ITGA2: variants seen among roughly 807,000 people sequenced by gnomAD.
ITGA2 encodes integrin subunit alpha 2.
ITGA2 carries 101 observed loss-of-function variants against 146.3 expected under a neutral mutation model. The ratio of observed to expected loss-of-function variants is 0.69; its 90% confidence interval spans 0.59 to 0.81. The LOEUF is 0.81. ITGA2 is among the 40% of genes least tolerant of loss of function. The pLI, the probability that ITGA2 is intolerant of heterozygous loss-of-function variation, is 0.00. For synonymous variants in ITGA2, 477 were observed against 487.1 expected (o/e 0.98, Z 0.27); for missense variants, 1,281 against 1,402.7 (o/e 0.91, Z 1.39).
chr5:53,066,966 G>C (rs918555647), intron 15 of ITGA2, 152 bp from the exon 16 acceptor site: 1 of 719,858 alleles, frequency 1.4e-6, no homozygotes, highest in Non-Finnish European at 2.3e-6. Flanking sequence ...TGCCATCTTA[G>C]AGCTTTCAAA....
chr5:53,003,804 G>GTTTTAT (rs1554052349), intron 1 of ITGA2, among the ~76,000 whole-genome samples: 76 of 152,148 alleles, frequency 5.0e-4, no homozygotes, highest in African/African-American at 1.6e-3. Context: ...ACCATTCATT[G>GTTTTAT]TTTTCTTTTT....
intron 1 of ITGA2, among the ~76,000 whole-genome samples, chr5:53,002,572 C>T (rs1741635867): frequency 2.0e-5 from 3 of 152,094 alleles, no homozygotes; most frequent in Admixed American, 2.0e-4. Flanking sequence ...TGCATCCTGC[C>T]ATGCCATGGT....
chr5:53,020,792 C>G (rs1475897468), intron 1 of ITGA2, among the ~76,000 whole-genome samples: 1 of 151,618 alleles, frequency 6.6e-6, no homozygotes, highest in South Asian at 2.1e-4. Flanking sequence ...AGTGATTAAC[C>G]TGCCTCAGCC....
At chr5:53,020,172 A>T (rs867288761) in intron 1 of ITGA2, among the ~76,000 whole-genome samples, 1 of 152,212 alleles carries the variant, frequency 6.6e-6, no homozygotes, top group African/African-American at 2.4e-5. Flanking sequence ...AACAAAAAAT[A>T]AATAGGAAAA....
At position 53,077,872 on chromosome 5, in the gene ITGA2, A is replaced by C. The variant is rs75220195; in HGVS notation, c.2826-900A>C. Among the ~76,000 whole-genome samples the C allele has an allele frequency of 1.5e-3, 225 of 152,198 alleles. 1 individual carries two copies. In the South Asian group the frequency reaches 0.027, roughly 18 times the overall value. ...TTTTAAGAAATAGAATCAACATTCT[A>C]TAATTAACGTAAATTGTCCAGTGGG... On this transcript the variant is annotated intron_variant, in intron 23 of 29. Transcript: ENST00000296585.
intron 7 of ITGA2, among the ~76,000 whole-genome samples, chr5:53,052,723 A>C (rs1408664548): frequency 1.3e-5 from 2 of 151,992 alleles, no homozygotes; most frequent in Non-Finnish European, 2.9e-5. Context: ...ATTCCTAACC[A>C]AGTTGCCATG....
intron 2 of ITGA2, among the ~76,000 whole-genome samples, chr5:53,029,308 T>G (rs1404746484): frequency 6.6e-6 from 1 of 152,090 alleles, no homozygotes; most frequent in African/African-American, 2.4e-5. Flanking sequence ...TTCCCTAGAT[T>G]AAAATTCCTT....
chr5:53,086,462 AGAAG>A (rs2112040245), intron 27 of ITGA2, among the ~76,000 whole-genome samples: 2 of 152,338 alleles, frequency 1.3e-5, no homozygotes, highest in South Asian at 4.1e-4. Context: ...ACATGTACCC[AGAAG>A]GAAAGTTCTC....
intron 18 of ITGA2, 34 bp downstream of exon 18, chr5:53,072,082 G>A: frequency 2.1e-6 from 3 of 1,429,630 alleles, no homozygotes; most frequent in Non-Finnish European, 2.0e-6. Context: ...GATTTAGACT[G>A]GCAAATAAAG....
chr5:52,995,459 A>G (rs1188739610), intron 1 of ITGA2, among the ~76,000 whole-genome samples: 1 of 152,074 alleles, frequency 6.6e-6, no homozygotes, highest in Non-Finnish European at 1.5e-5. Flanking sequence ...GCATTAAAGA[A>G]GAAGAGTGAA....
intron 1 of ITGA2, among the ~76,000 whole-genome samples, chr5:53,016,875 G>C (rs531210484): frequency 1.1e-4 from 16 of 152,016 alleles, no homozygotes; most frequent in Non-Finnish European, 2.4e-4. Context: ...GGTCTATTCT[G>C]CTGTTAATAC....
At chr5:53,035,152 T>C (rs985536006) in intron 2 of ITGA2, among the ~76,000 whole-genome samples, 1 of 152,184 alleles carries the variant, frequency 6.6e-6, no homozygotes, top group African/African-American at 2.4e-5. Flanking sequence ...AGTTGAAAGG[T>C]ACTAGCTCAT....
chr5:53,008,137 A>G (rs1741948446), intron 1 of ITGA2, among the ~76,000 whole-genome samples: 1 of 151,850 alleles, frequency 6.6e-6, no homozygotes, highest in African/African-American at 2.4e-5. Flanking sequence ...CAAGAGAGAC[A>G]TATTTTCTCA....
At chr5:53,073,710 T>A (rs1262681882) in intron 20 of ITGA2, among the ~76,000 whole-genome samples, 2 of 151,734 alleles carry the variant, frequency 1.3e-5, no homozygotes. Context: ...CTGTGAGTGC[T>A]CCCTGGTCCC....
intron 26 of ITGA2, among the ~76,000 whole-genome samples, chr5:53,081,926 G>A (rs1745942614): frequency 1.3e-5 from 2 of 152,162 alleles, no homozygotes; most frequent in African/African-American, 4.8e-5. Flanking sequence ...TAGGTTACTG[G>A]AATTATCTTA....
intron 17 of ITGA2, 110 bp from the exon 18 acceptor site, chr5:53,071,828 T>C: frequency 1.3e-6 from 1 of 763,298 alleles, no homozygotes; most frequent in Non-Finnish European, 2.3e-6. Flanking sequence ...GAGAGCTGAC[T>C]GTGCTCTAAA....
chr5:53,040,933 T>C lies in ITGA2; in HGVS notation c.186-1179T>C, dbSNP rs527823374. 2.0e-5 allele frequency among the ~76,000 whole-genome samples: 3 copies of C among 152,286 alleles called. No homozygotes were observed. In the South Asian group the frequency reaches 6.2e-4, roughly 32 times the overall value. On this transcript the variant is annotated intron_variant, in intron 2 of 29. Coordinates refer to ENST00000296585, the MANE Select transcript of ITGA2 (RefSeq NM_002203.4). ...CATATATTCCAGGTCATTTGGATTT[T>C]TATTTTACTTGTCACATATATCTAG...
chr5:53,084,292 A>ATT (rs143292426), intron 27 of ITGA2, among the ~76,000 whole-genome samples: 200 of 150,588 alleles, frequency 1.3e-3, no homozygotes, highest in African/African-American at 4.4e-3. Context: ...CTCTTACTAG[A>ATT]TTTTTTTTTT....
At chr5:52,993,377 G>T (rs1741069085) in intron 1 of ITGA2, among the ~76,000 whole-genome samples, 1 of 152,178 alleles carries the variant, frequency 6.6e-6, no homozygotes, top group Non-Finnish European at 1.5e-5. Context: ...TTAGGATTCA[G>T]TATTTACAAT....
Sources: gnomAD v4.1 joint callset for allele counts (sites outside exome capture counted in the v4.1 genomes callset) on GRCh38, gnomAD v4.1.1 for gene constraint, MANE v1.5 for transcripts, NCBI Gene and HGNC (gene_info 2026-07-23, HGNC 2026-07-21) for gene names.